Variants in ZFP64 observed in about 807,000 individuals in gnomAD.
ZFP64 encodes the protein zinc finger protein 64.
ZFP64 carries 14 observed loss-of-function variants against 51.6 expected under a neutral mutation model. The observed-to-expected ratio is 0.27, with a 90% CI of 0.18 to 0.42. The LOEUF (loss-of-function observed/expected upper bound fraction) is 0.42, where lower values mean the gene tolerates loss of function less well. ZFP64 is among the 10% of genes least tolerant of loss of function. The pLI is 1.00. For synonymous variants in ZFP64, 375 were observed against 361.4 expected, an observed-to-expected ratio of 1.04 and a Z score of -0.43; for missense variants, 754 against 906.8, an observed-to-expected ratio of 0.83 and a Z score of 2.16.
intron 5 of ZFP64, among the ~76,000 whole-genome samples, chr20:52,107,992 G>A (rs1439477688): frequency 6.6e-6 from 1 of 152,244 alleles, no homozygotes; most frequent in Non-Finnish European, 1.5e-5. Flanking sequence ...TTGGGAAGCT[G>A]AGGTTGGTGG....
Position 52,141,056 on chromosome 20 carries a change from A to C in ZFP64, c.763+19067T>G, listed in dbSNP as rs144130156. Reference sequence around the variant, plus strand: ...CCTCTGTTTACGGCATGGTTTACTGAATATTTAAAGCCCCATGTTGAGACC... The same window carrying C: ...CCTCTGTTTACGGCATGGTTTACTGCATATTTAAAGCCCCATGTTGAGACC... On this transcript the variant is annotated intron_variant, in intron 5 of 8. Coordinates refer to the ZFP64 transcript ENST00000361387. Among the ~76,000 whole-genome samples, 13 of 152,328 alleles carry C rather than the reference A, an allele frequency of 8.5e-5. No individual in the cohort carries two copies. In the East Asian group the frequency reaches 2.1e-3, roughly 25 times the overall value.
At chr20:52,118,344 C>A (rs1978988870) in intron 5 of ZFP64, among the ~76,000 whole-genome samples, 1 of 152,072 alleles carries the variant, frequency 6.6e-6, no homozygotes. Context: ...AATTCACCTG[C>A]TGGCCCCTAC....
chr20:52,176,505 C>CTTTTTTTTTTT lies in ZFP64; in HGVS notation c.286+10316_286+10326dup, dbSNP rs557663780. Among the ~76,000 whole-genome samples, 144 of 136,706 alleles carry CTTTTTTTTTTT rather than the reference C, an allele frequency of 1.1e-3. 2 individuals carry two copies. Among genetic ancestry groups the CTTTTTTTTTTT allele is most frequent in the African/African-American group, 3.5e-3 (125 of 36,134 alleles). 89.7% of individuals were successfully genotyped at this position (136,706 alleles called of 152,430 possible). On this transcript the variant is annotated intron_variant, in intron 2 of 5. Coordinates refer to ENST00000216923, the MANE Select transcript of ZFP64 (RefSeq NM_018197.3). ...ATTTCTAGCTTCTGGTTCAATCTCT[C>CTTTTTTTTTTT]TTTTTTTTTTTTTTTGAGACGGAGT...
intron 5 of ZFP64, among the ~76,000 whole-genome samples, chr20:52,113,336 AAAAGAAAG>A (rs137886019): frequency 6.1e-5 from 9 of 147,574 alleles, no homozygotes; most frequent in African/African-American, 1.8e-4. Context: ...TCCGCCTCAA[AAAAGAAAG>A]AAAGAAAGAA....
chr20:52,170,049 G>A (rs535459787), intron 2 of ZFP64, among the ~76,000 whole-genome samples: 10 of 150,318 alleles, frequency 6.7e-5, no homozygotes, highest in South Asian at 2.1e-4. Flanking sequence ...GCAAAATTCC[G>A]TCTCAAAAAA....
intron 5 of ZFP64, among the ~76,000 whole-genome samples, chr20:52,127,193 G>A (rs1218907313): frequency 2.0e-5 from 3 of 151,968 alleles, no homozygotes; most frequent in South Asian, 2.1e-4. Context: ...CTCATGATCC[G>A]CCGGCCTCGG....
chr20:52,187,059 G>T lies in ZFP64; in HGVS notation c.59C>A (p.Thr20Lys). 6.2e-7 allele frequency: 1 copy of T among 1,607,816 alleles called. No homozygotes were observed. The highest frequency in any genetic ancestry group is 1.1e-5 in the South Asian group (1 of 90,964). Residue 20 changes from threonine to lysine, a missense_variant, in exon 2 of 6, where the codon ACA becomes AAA. Transcript: ENST00000216923. Reference sequence around the variant, plus strand: ...GGGAGTCAGCTCCACCAGCACCGTTGTGCCACCTGGAACTCCATGGGACAA... The same window carrying T: ...GGGAGTCAGCTCCACCAGCACCGTTTTGCCACCTGGAACTCCATGGGACAA... ...FAGSVQIPGG[T>K]TVLVELTPDI...
chr20:52,145,648 A>G (rs1211772790), intron 5 of ZFP64, among the ~76,000 whole-genome samples: 1 of 152,194 alleles, frequency 6.6e-6, no homozygotes, highest in Non-Finnish European at 1.5e-5. Flanking sequence ...CAAAAACAAA[A>G]CAAAACAAAA....
At position 52,160,497 on chromosome 20, in the gene ZFP64, A is replaced by C; in HGVS notation, c.512-123T>G. The C allele has an allele frequency of 5.3e-6, 7 of 1,311,646 alleles. No homozygotes were observed. Among genetic ancestry groups the C allele is most frequent in the Non-Finnish European group, 7.2e-6 (7 of 975,934 alleles). The allele number at this position is 1,311,646 out of a possible 1,614,324, so 81.3% of individuals were successfully genotyped here. A position where few individuals can be genotyped will look rare whatever the true frequency, so the allele number is the denominator to read the frequency against. On this transcript the variant is annotated intron_variant, in intron 4 of 5. Transcript: ENST00000216923. The surrounding 1 kb of genome is among the most constrained non-coding windows in gnomAD (Gnocchi z 4.2). ...ACCGAAGAATATTCCAAAAACCCTA[A>C]AACACTGGGTGGATGATTGGCAAAG... is the stretch of plus-strand genomic sequence containing the variant.
At chr20:52,128,438 C>A (rs1018382212) in intron 5 of ZFP64, among the ~76,000 whole-genome samples, 1 of 152,110 alleles carries the variant, frequency 6.6e-6, no homozygotes, top group East Asian at 1.9e-4. Context: ...GAATTTGAGA[C>A]CATTATCTAG....
Position 52,151,724 on chromosome 20 carries a change from C to A in ZFP64, c.*422G>T. 1 of 1,008,076 alleles carries A rather than the reference C, an allele frequency of 9.9e-7. No homozygotes were observed. Among genetic ancestry groups the A allele is most frequent in the Non-Finnish European group, 1.2e-6 (1 of 843,060 alleles). The allele number at this position is 1,008,076 out of a possible 1,614,324, so 62.4% of individuals were successfully genotyped here. A position where few individuals can be genotyped will look rare whatever the true frequency, so the allele number is the denominator to read the frequency against. ...TATAAAATTACAATTTATTATGGGG[C>A]CAGGGGGATTCACAACCATCCTTAA... On this transcript the variant is annotated 3_prime_UTR_variant, in exon 6 of 6. Coordinates refer to ENST00000216923, the MANE Select transcript of ZFP64 (RefSeq NM_018197.3).
Position 52,152,484 on chromosome 20 carries a change from G to C in ZFP64, c.1708C>G (p.Leu570Val). 6.2e-7 allele frequency: 1 copy of C among 1,611,920 alleles called. No homozygotes were observed. The highest frequency in any genetic ancestry group is 8.5e-7 in the Non-Finnish European group (1 of 1,179,136). The stretch of plus-strand genomic sequence containing the variant: ...TCCGTCTGCTCGTGGGTGGTCAGCA[G>C]GACAGCCGGCTGGGTCATTGCGCCC... Reference protein sequence around the residue: ...EAGAMTQPAVLLTTHEQTDGA... With the variant: ...EAGAMTQPAVVLTTHEQTDGA... The change falls in exon 6 of 6, where the codon CTG (leucine) becomes GTG (valine). Residue 570 changes from leucine to valine, a missense_variant. Physicochemically the swap from Leu to Val is conservative, Grantham distance 32. Transcript: ENST00000216923.
rs368359630 is a variant in ZFP64 at position 52,122,423 on chromosome 20, G to A, written c.764-23836C>T. 5.0e-3 allele frequency among the ~76,000 whole-genome samples: 758 copies of A among 150,978 alleles called. 5 individuals are homozygous for A. Among genetic ancestry groups the A allele is most frequent in the African/African-American group, 0.017 (700 of 41,026 alleles). On this transcript the variant is annotated intron_variant, in intron 5 of 8. Coordinates refer to the ZFP64 transcript ENST00000361387. ...CCGGAGGCTGAGGCAGGAGAATGGC[G>A]TGAACCCGGGAGGTGGAGCTTGCAG...
intron 8 of ZFP64, among the ~76,000 whole-genome samples, chr20:52,087,554 T>C (rs1409298337): frequency 6.6e-6 from 1 of 152,276 alleles, no homozygotes; most frequent in Non-Finnish European, 1.5e-5. Context: ...TGGCTCATTT[T>C]ATTCCATTCA....
intron 5 of ZFP64, chr20:52,105,219 C>T: frequency 7.3e-7 from 1 of 1,365,288 alleles, no homozygotes; most frequent in South Asian, 1.9e-5. Flanking sequence ...TGGGGCTTGG[C>T]CTGCTTGCGC....
At chr20:52,127,891 T>G (rs1474710878) in intron 5 of ZFP64, among the ~76,000 whole-genome samples, 1 of 152,230 alleles carries the variant, frequency 6.6e-6, no homozygotes. Flanking sequence ...AGTCTACTAC[T>G]GTGTAAGACA....
intron 2 of ZFP64, among the ~76,000 whole-genome samples, chr20:52,174,482 CAA>C (rs386393988): frequency 1.3e-4 from 7 of 55,982 alleles, no homozygotes; most frequent in Admixed American, 4.1e-4. Context: ...GGCTCCATCT[CAA>C]AAAAAAAAAA....
At chr20:52,105,371 G>A in intron 5 of ZFP64, 1 of 1,239,602 alleles carries the variant, frequency 8.1e-7, no homozygotes, top group African/African-American at 1.6e-5. Context: ...GCCGAGCAGG[G>A]CGATTTATCA....
chr20:52,157,663 CTACT>C (rs750080352), intron 5 of ZFP64, among the ~76,000 whole-genome samples: 1 of 152,172 alleles, frequency 6.6e-6, no homozygotes, highest in Non-Finnish European at 1.5e-5. Context: ...TTCTTCTATA[CTACT>C]TTCTTTCTTT....
Sources: gnomAD v4.1 joint callset for allele counts (sites outside exome capture counted in the v4.1 genomes callset) on GRCh38, gnomAD v4.1.1 for gene constraint, Gnocchi (gnomAD v3.1) non-coding constraint, MANE v1.5 for transcripts, NCBI Gene and HGNC (gene_info 2026-07-23, HGNC 2026-07-21) for gene names.